The following GFRAL variants were observed in gnomAD, a reference collection of about 807,000 sequenced individuals.
GFRAL encodes the protein GDNF family receptor alpha-like.
In GFRAL, 36 loss-of-function variants were observed where a neutral mutation model predicts 45.4. The ratio of observed to expected loss-of-function variants is 0.79; its 90% CI spans 0.61 to 1.05. The LOEUF is 1.05. Ranked by LOEUF, GFRAL falls within the 50% of genes least tolerant of loss-of-function variation. The pLI, the probability that GFRAL is intolerant of heterozygous loss-of-function variation, is 0.00. For missense variants in GFRAL, 507 were observed against 467.5 expected, an observed-to-expected ratio of 1.08 and a Z score of -0.78; for synonymous variants, 166 against 154.1, an observed-to-expected ratio of 1.08 and a Z score of -0.57.
intron 6 of GFRAL, among the ~76,000 whole-genome samples, chr6:55,372,218 T>G (rs1301116382): frequency 6.6e-6 from 1 of 152,144 alleles, no homozygotes; most frequent in African/African-American, 2.4e-5. Flanking sequence ...ATTGGCTAAT[T>G]AATATTTGTG....
chr6:55,345,855 AC>A (rs1298861055), intron 3 of GFRAL, among the ~76,000 whole-genome samples: 2 of 152,210 alleles, frequency 1.3e-5, no homozygotes, highest in African/African-American at 2.4e-5. Context: ...CAAGAAAAAA[AC>A]AACCCCATCA....
At chr6:55,392,149 G>A (rs1351987858) in intron 6 of GFRAL, among the ~76,000 whole-genome samples, 1 of 151,886 alleles carries the variant, frequency 6.6e-6, no homozygotes, top group Non-Finnish European at 1.5e-5. Context: ...GATTTCCAAG[G>A]ACACCCAGAG....
At chr6:55,382,798 CTG>C (rs1768628321) in intron 6 of GFRAL, among the ~76,000 whole-genome samples, 1 of 151,922 alleles carries the variant, frequency 6.6e-6, no homozygotes, top group African/African-American at 2.4e-5. Flanking sequence ...AATTTCCAGT[CTG>C]TGAAATGAAA....
Position 55,351,554 on chromosome 6 carries a change from T to A in GFRAL, c.672T>A (p.Ile224=). 6.2e-7 allele frequency: 1 copy of A among 1,601,088 alleles called. No individual in the cohort carries two copies. The highest frequency in any genetic ancestry group is 8.5e-7 in the Non-Finnish European group (1 of 1,169,638). ...MVPPPTCLSV[I]RSCQNDELCR... ...CACCCCCTACTTGCCTCAGTGTAAT[T>A]CGCAGCTGCCAAAATGATGAATTAT... The change falls in exon 5 of 9, where the codon ATT becomes ATA. Residue 224 remains isoleucine (I), a synonymous_variant. Transcript: ENST00000340465.
chr6:55,384,184 A>T (rs1321000182), intron 6 of GFRAL, among the ~76,000 whole-genome samples: 1 of 151,840 alleles, frequency 6.6e-6, no homozygotes, highest in East Asian at 1.9e-4. Flanking sequence ...TGATGGGTTG[A>T]TAGGTGCAGC....
At chr6:55,344,324 A>C (rs1768010039) in intron 3 of GFRAL, among the ~76,000 whole-genome samples, 1 of 152,180 alleles carries the variant, frequency 6.6e-6, no homozygotes, top group African/African-American at 2.4e-5. Flanking sequence ...GCAGCACATC[A>C]AAAAGCTTAT....
intron 6 of GFRAL, among the ~76,000 whole-genome samples, chr6:55,364,417 T>G (rs527257223): frequency 0.11 from 14,718 of 129,888 alleles, 1,038 homozygotes; most frequent in African/African-American, 0.19. Context: ...TAGTTTCTTT[T>G]GCTGTGCAGA....
At chr6:55,385,398 C>T (rs928458594) in intron 6 of GFRAL, among the ~76,000 whole-genome samples, 7 of 152,068 alleles carry the variant, frequency 4.6e-5, no homozygotes, top group Non-Finnish European at 7.4e-5. Context: ...TTCGTTTGCT[C>T]GAGCTGCTGA....
chr6:55,331,899 A>G (rs1446564464), intron 2 of GFRAL, 50 bp downstream of exon 2: 2 of 1,529,964 alleles, frequency 1.3e-6, no homozygotes, highest in Admixed American at 1.8e-5. Flanking sequence ...TTACTAAGAT[A>G]AAAACAGGAT....
At chr6:55,355,149 G>GT (rs921002694) in intron 5 of GFRAL, among the ~76,000 whole-genome samples, 23 of 151,208 alleles carry the variant, frequency 1.5e-4, no homozygotes, top group Non-Finnish European at 2.1e-4. Flanking sequence ...TATTGTTTTT[G>GT]TTTTTTTTCC....
At chr6:55,359,740 T>C (rs1004916737) in intron 6 of GFRAL, among the ~76,000 whole-genome samples, 1 of 151,848 alleles carries the variant, frequency 6.6e-6, no homozygotes, top group Non-Finnish European at 1.5e-5. Flanking sequence ...AGCAGAAGAG[T>C]TCCTAATGGC....
chr6:55,351,211 T>C (rs760307930), intron 4 of GFRAL, 42 bp from the exon 5 acceptor site: 1 of 1,354,378 alleles, frequency 7.4e-7, no homozygotes, highest in East Asian at 2.3e-5. Flanking sequence ...TGTACAGCTT[T>C]GTGTTTACTT....
At chr6:55,396,545 G>A (rs1035174131) in intron 6 of GFRAL, among the ~76,000 whole-genome samples, 1 of 151,448 alleles carries the variant, frequency 6.6e-6, no homozygotes, top group Non-Finnish European at 1.5e-5. Flanking sequence ...CATGAATCCA[G>A]CTACAGCTTT....
intron 3 of GFRAL, among the ~76,000 whole-genome samples, chr6:55,340,237 C>T (rs1275388598): frequency 1.3e-5 from 2 of 152,276 alleles, no homozygotes; most frequent in South Asian, 4.1e-4. Flanking sequence ...TTCTAATCAT[C>T]ACTTCAACAA....
chr6:55,386,940 C>A (rs1387022549), intron 6 of GFRAL, among the ~76,000 whole-genome samples: 2 of 152,114 alleles, frequency 1.3e-5, no homozygotes, highest in African/African-American at 2.4e-5. Flanking sequence ...AGTGTACAAA[C>A]CCTCAACAGA....
At chr6:55,338,466 CATAAT>C (rs898869377) in intron 3 of GFRAL, among the ~76,000 whole-genome samples, 17 of 152,094 alleles carry the variant, frequency 1.1e-4, no homozygotes, top group Admixed American at 3.9e-4. Flanking sequence ...ATTTCAGTAT[CATAAT>C]ATAACATATT....
intron 3 of GFRAL, among the ~76,000 whole-genome samples, chr6:55,344,881 T>A (rs1165248905): frequency 6.6e-6 from 1 of 152,100 alleles, no homozygotes; most frequent in Non-Finnish European, 1.5e-5. Context: ...ATCACAAGCA[T>A]TCCTATACAC....
At chr6:55,329,496 T>C (rs901187318) in intron 1 of GFRAL, among the ~76,000 whole-genome samples, 1 of 152,104 alleles carries the variant, frequency 6.6e-6, no homozygotes, top group African/African-American at 2.4e-5. Flanking sequence ...GCAAATAAAA[T>C]ACCATTTTCT....
chr6:55,351,605 T>C (rs1768118969), intron 5 of GFRAL, 22 bp downstream of exon 5: 2 of 1,551,794 alleles, frequency 1.3e-6, no homozygotes, highest in Non-Finnish European at 1.8e-6. Flanking sequence ...CACTCATACC[T>C]TACTTTCTTA....
Sources: allele counts gnomAD v4.1 joint callset (sites outside exome capture counted in the v4.1 genomes callset), GRCh38; gene constraint gnomAD v4.1.1; transcripts MANE v1.5; gene names NCBI Gene and HGNC (gene_info 2026-07-23, HGNC 2026-07-21).